The following MFSD8 variants were observed in gnomAD, a reference collection of about 807,000 sequenced individuals.
MFSD8 encodes major facilitator superfamily domain containing 8.
Under a neutral mutation model 66.4 loss-of-function variants are expected in MFSD8, and 55 were observed. The ratio of observed to expected loss-of-function variants is 0.83; its 90% CI spans 0.67 to 1.04. The LOEUF (loss-of-function observed/expected upper bound fraction) is 1.04. MFSD8 is among the 50% of genes least tolerant of loss of function. MFSD8 has a pLI of 0.00. For missense variants in MFSD8, 550 were observed against 627.6 expected (o/e 0.88, Z 1.32); for synonymous variants, 202 against 212.8 (o/e 0.95, Z 0.44).
At chr4:127,955,251 T>C (rs561119943) in intron 2 of MFSD8, among the ~76,000 whole-genome samples, 1 of 152,180 alleles carries the variant, frequency 6.6e-6, no homozygotes, top group South Asian at 2.1e-4. Context: ...GACAGATAAA[T>C]GGCTAAACAA....
intron 9 of MFSD8, among the ~76,000 whole-genome samples, chr4:127,926,540 C>T (rs920570830): frequency 6.6e-5 from 10 of 152,074 alleles, no homozygotes; most frequent in East Asian, 1.9e-4. Flanking sequence ...CTGGAATACA[C>T]GTGCTTTGAG....
At chr4:127,964,044 C>T (rs1001638206) in intron 1 of MFSD8, among the ~76,000 whole-genome samples, 1 of 152,134 alleles carries the variant, frequency 6.6e-6, no homozygotes, top group African/African-American at 2.4e-5. Context: ...GAGCTAGACA[C>T]AGGGTGCTGA....
At chr4:127,947,656 T>C (rs1237540095) in intron 3 of MFSD8, among the ~76,000 whole-genome samples, 1 of 144,914 alleles carries the variant, frequency 6.9e-6, no homozygotes, top group African/African-American at 2.6e-5. Context: ...GAAGAGTGAA[T>C]AAAAGACAGT....
chr4:127,933,554 T>C (rs1029664101), intron 7 of MFSD8: 1 of 153,028 alleles, frequency 6.5e-6, no homozygotes, highest in African/African-American at 2.4e-5. Context: ...AACAATAAGA[T>C]AATTTATATG....
rs774629940 is a variant in MFSD8 at position 127,921,923 on chromosome 4, C to G, written c.1039G>C (p.Val347Leu). The G allele has an allele frequency of 6.2e-7, 1 of 1,614,158 alleles. No homozygotes were observed. Among genetic ancestry groups the G allele is most frequent in the Non-Finnish European group, 8.5e-7 (1 of 1,180,036 alleles). ...RAILLGGLIV[V>L]WVGFFILLPW... ...AACAAGATAAAGAAGCCAACCCATA[C>G]AACGATGAGTCCTCCCAGTAGAATA... Residue 347 changes from valine (V) to leucine (L), a missense_variant, in exon 10 of 12, where the codon GTA becomes CTA. By Grantham distance (32) the Val-to-Leu change is conservative (BLOSUM62 1). Transcript: ENST00000641686.
intron 8 of MFSD8, among the ~76,000 whole-genome samples, chr4:127,932,055 G>A (rs1033027186): frequency 2.0e-5 from 3 of 152,176 alleles, no homozygotes; most frequent in Non-Finnish European, 4.4e-5. Context: ...AGGCTGCAGT[G>A]AGCCGTGATT....
chr4:127,957,972 T>TA (rs1223184496), intron 1 of MFSD8, among the ~76,000 whole-genome samples: 4 of 152,124 alleles, frequency 2.6e-5, no homozygotes, highest in African/African-American at 9.7e-5. Context: ...AGCTACTAAG[T>TA]ACTAAAAAAT....
chr4:127,940,597 G>GA (rs79410803), intron 5 of MFSD8, among the ~76,000 whole-genome samples: 37 of 139,260 alleles, frequency 2.7e-4, no homozygotes, highest in African/African-American at 4.0e-4. Flanking sequence ...CAAGTAAAAT[G>GA]AAAAAAAAAA....
chr4:127,952,241 T>C (rs956613283), intron 2 of MFSD8, among the ~76,000 whole-genome samples: 1 of 151,340 alleles, frequency 6.6e-6, no homozygotes, highest in Non-Finnish European at 1.5e-5. Context: ...CTGTCTCTAC[T>C]AAAAATACAA....
rs145499712 is a variant in MFSD8, at chr4:127,954,233, A to G, written c.154+3268T>C. Among the ~76,000 whole-genome samples the G allele has an allele frequency of 1.5e-3, 229 of 152,366 alleles. 2 individuals carry two copies. Among genetic ancestry groups the G allele is most frequent in the East Asian group, 5.6e-3 (29 of 5,194 alleles). On this transcript the variant is annotated intron_variant, in intron 2 of 11. Transcript: ENST00000641686. ...ATTCAGAAATAATGTGAATAGGTTAAAATACATCAAGCAATACAAATTGAG... is the reference window on the plus strand; with the variant it reads ...ATTCAGAAATAATGTGAATAGGTTAGAATACATCAAGCAATACAAATTGAG...
At chr4:127,934,899 A>T (rs1738796281) in intron 7 of MFSD8, among the ~76,000 whole-genome samples, 1 of 106,926 alleles carries the variant, frequency 9.4e-6, no homozygotes, top group Admixed American at 1.5e-4. Context: ...AAATATGTTT[A>T]TTTATGCTAT....
At chr4:127,931,786 T>A (rs975112043) in intron 8 of MFSD8, among the ~76,000 whole-genome samples, 1 of 152,154 alleles carries the variant, frequency 6.6e-6, no homozygotes, top group Non-Finnish European at 1.5e-5. Context: ...ATGCACTTAA[T>A]GCTACTGAAC....
chr4:127,938,554 G>T (rs1739469221), intron 7 of MFSD8, among the ~76,000 whole-genome samples: 1 of 149,036 alleles, frequency 6.7e-6, no homozygotes, highest in Non-Finnish European at 1.5e-5. Flanking sequence ...CTGCACTCCA[G>T]CCTGGGCGAC....
chr4:127,944,156 A>G (rs1048240713), intron 3 of MFSD8, among the ~76,000 whole-genome samples, 164 bp from the exon 4 acceptor site: 1 of 152,248 alleles, frequency 6.6e-6, no homozygotes, highest in Admixed American at 6.5e-5. Context: ...AACTTCTGAC[A>G]ATACAATTAA....
In MFSD8 at chr4:127,942,382, T is replaced by A. The variant is rs1441572748; in HGVS notation, c.440-224A>T. 1.3e-5 allele frequency among the ~76,000 whole-genome samples: 2 copies of A among 152,038 alleles called. 1 individual carries two copies. Among genetic ancestry groups the A allele is most frequent in the East Asian group, 3.9e-4 (2 of 5,180 alleles). ...ATATGAAAACAGTTAAAGATATCAA[T>A]GAGTGAAAAAATGGTATCATAAGAA... On this transcript the variant is annotated intron_variant, in intron 4 of 11. Transcript: ENST00000641686.
chr4:127,960,095 C>G (rs1046093831), intron 1 of MFSD8, among the ~76,000 whole-genome samples: 1 of 152,158 alleles, frequency 6.6e-6, no homozygotes, highest in Non-Finnish European at 1.5e-5. Flanking sequence ...AACTGTAGTA[C>G]TACAGTTTTA....
At chr4:127,944,539 T>C (rs921761743) in intron 3 of MFSD8, among the ~76,000 whole-genome samples, 1 of 152,170 alleles carries the variant, frequency 6.6e-6, no homozygotes, top group African/African-American at 2.4e-5. Flanking sequence ...TTCTACCACT[T>C]TAAAAGGGTT....
intron 8 of MFSD8, 150 bp from the exon 9 acceptor site, chr4:127,930,967 C>A: frequency 2.9e-6 from 2 of 697,316 alleles, no homozygotes; most frequent in South Asian, 2.7e-5. Context: ...AGTTTGAACA[C>A]ATTTTAAGCG....
chr4:127,950,664 G>C (rs1228502128), intron 2 of MFSD8, among the ~76,000 whole-genome samples: 1 of 151,996 alleles, frequency 6.6e-6, no homozygotes, highest in African/African-American at 2.4e-5. Context: ...CTGCACTCCA[G>C]CATGGGTGAC....
Sources: gnomAD v4.1 joint callset for allele counts (sites outside exome capture counted in the v4.1 genomes callset) on GRCh38, gnomAD v4.1.1 for gene constraint, MANE v1.5 for transcripts, NCBI Gene and HGNC (gene_info 2026-07-23, HGNC 2026-07-21) for gene names.